The following ICE1 variants were observed in gnomAD, a reference collection of about 807,000 sequenced individuals.
The protein encoded by ICE1 is interactor of little elongation complex ELL subunit 1, also known as little elongation complex subunit 1.
Under a neutral mutation model 192.7 loss-of-function variants are expected in ICE1, and 64 were observed. The ratio of observed to expected loss-of-function variants is 0.33; its 90% CI spans 0.27 to 0.41. ICE1 has a LOEUF of 0.41. Among genes scored for constraint, ICE1 ranks in the 10% least tolerant of loss-of-function variants. The pLI, the probability that ICE1 is intolerant of heterozygous loss-of-function variation, is 1.00. For missense variants in ICE1, 2,708 were observed against 2,696.0 expected (o/e 1.00, Z -0.10); for synonymous variants, 1,010 against 984.5 (o/e 1.03, Z -0.49).
At position 5,480,675 on chromosome 5, in the gene ICE1, C is replaced by T. The variant is rs768422303; in HGVS notation, c.6520+4596C>T. Among the ~76,000 whole-genome samples the T allele has an allele frequency of 9.2e-5, 14 of 152,286 alleles. No individual in the cohort carries two copies. The East Asian group carries it at 2.5e-3, about 27-fold the overall frequency. ...TACCCTGTGAATTTTGTTACTGTAT[C>T]GGCAAATTTGCATTCCTCCTCTGTG... On this transcript the variant is annotated intron_variant, in intron 17 of 18. Transcript: ENST00000296564.
intron 7 of ICE1, among the ~76,000 whole-genome samples, chr5:5,446,761 T>C (rs1372082698): frequency 6.6e-6 from 1 of 152,174 alleles, no homozygotes; most frequent in South Asian, 2.1e-4. Context: ...TCCAAACTTG[T>C]TAGAGGAGTC....
chr5:5,481,063 G>C (rs1257485837), intron 17 of ICE1, among the ~76,000 whole-genome samples: 1 of 152,200 alleles, frequency 6.6e-6, no homozygotes, highest in Non-Finnish European at 1.5e-5. Flanking sequence ...CCATAGTTAG[G>C]TGACATCTAT....
Position 5,463,586 on chromosome 5 carries a change from A to C in ICE1, c.4252A>C (p.Ile1418Leu). The change falls in exon 13 of 19, where the codon ATT becomes CTT. Residue 1418 changes from isoleucine to leucine, a missense_variant. Ile to Leu is a conservative substitution (Grantham distance 5). This residue lies in a region of ICE1 where 2,366 missense variants were observed against 2,276.6 expected (regional missense o/e 1.04). Transcript: ENST00000296564. ...VLINKDQNLV[I>L]EKGDNWTIIS... is the part of the protein sequence containing the mutation. ...TATAAATAAGGATCAGAATCTAGTCATTGAAAAGGGGGACAACTGGACAAT... is the reference window on the plus strand; with the variant it reads ...TATAAATAAGGATCAGAATCTAGTCCTTGAAAAGGGGGACAACTGGACAAT... 6.2e-7 allele frequency: 1 copy of C among 1,614,016 alleles called. No homozygotes were observed. Among genetic ancestry groups the C allele is most frequent in the South Asian group, 1.1e-5 (1 of 91,082 alleles).
chr5:5,464,578 T>C lies in ICE1; in HGVS notation c.5244T>C (p.Ser1748=). Residue 1748 remains serine (S), a synonymous_variant, in exon 13 of 19, where the codon TCT becomes TCC. Coordinates refer to ENST00000296564, the MANE Select transcript of ICE1 (RefSeq NM_015325.3). This position sits in a 1 kb window ranked among gnomAD's most constrained non-coding sequence, Gnocchi z 4.0. Reference sequence around the variant, plus strand: ...CTGTGGGAGGGCCTCAGGAGAATTCTGTGAAAATCCTTGACACCATGTATC... The same window carrying C: ...CTGTGGGAGGGCCTCAGGAGAATTCCGTGAAAATCCTTGACACCATGTATC... ...HAAVGGPQEN[S]VKILDTMYPE... is the part of the protein sequence containing the mutation. 1.9e-6 allele frequency: 3 copies of C among 1,612,404 alleles called. No individual in the cohort carries two copies. The highest frequency in any genetic ancestry group is 2.5e-6 in the Non-Finnish European group (3 of 1,179,094).
chr5:5,441,349 T>C (rs1173006220), intron 5 of ICE1, 126 bp downstream of exon 5: 1 of 619,060 alleles, frequency 1.6e-6, no homozygotes, highest in African/African-American at 1.9e-5. Context: ...ACTCTCAGTG[T>C]ATTATTAGCT....
intron 16 of ICE1, among the ~76,000 whole-genome samples, chr5:5,474,163 T>C (rs1323180025): frequency 6.6e-6 from 1 of 151,580 alleles, no homozygotes; most frequent in Non-Finnish European, 1.5e-5. Context: ...TGAGCGGAGA[T>C]TGTGCCACTG....
At chr5:5,430,031 C>T (rs895220089) in intron 1 of ICE1, among the ~76,000 whole-genome samples, 4 of 152,138 alleles carry the variant, frequency 2.6e-5, no homozygotes, top group African/African-American at 7.2e-5. Context: ...TTCCAATAGA[C>T]TATATAATAG....
intron 1 of ICE1, among the ~76,000 whole-genome samples, chr5:5,425,169 A>G (rs773507975): frequency 6.6e-6 from 1 of 152,122 alleles, no homozygotes; most frequent in Non-Finnish European, 1.5e-5. Context: ...CCACTTTTCA[A>G]CATCTCCACT....
chr5:5,478,161 A>G (rs1057396483), intron 17 of ICE1, among the ~76,000 whole-genome samples: 1 of 152,238 alleles, frequency 6.6e-6, no homozygotes, highest in Non-Finnish European at 1.5e-5. Context: ...ATAGGAAGAG[A>G]GGAAGTCAAA....
chr5:5,486,658 A>G (rs1739646131), intron 17 of ICE1, 63 bp from the exon 18 acceptor site: 1 of 1,168,060 alleles, frequency 8.6e-7, no homozygotes, highest in East Asian at 2.5e-5. Flanking sequence ...GGACCTTTAA[A>G]TTCTTAGGAA....
At chr5:5,450,675 A>G (rs1018628545) in intron 10 of ICE1, among the ~76,000 whole-genome samples, 3 of 152,234 alleles carry the variant, frequency 2.0e-5, no homozygotes, top group African/African-American at 7.2e-5. Flanking sequence ...TATTAGAGGG[A>G]TGGATAAAAA....
At chr5:5,483,389 T>A (rs1739558641) in intron 17 of ICE1, among the ~76,000 whole-genome samples, 1 of 152,210 alleles carries the variant, frequency 6.6e-6, no homozygotes, top group Non-Finnish European at 1.5e-5. Flanking sequence ...ACTTGCGTTA[T>A]CTAATGTTGG....
intron 14 of ICE1, among the ~76,000 whole-genome samples, chr5:5,467,998 A>G (rs1463499188): frequency 6.6e-6 from 1 of 152,232 alleles, no homozygotes; most frequent in Admixed American, 6.5e-5. Flanking sequence ...AGGAGCCCAT[A>G]ACTGGAAACA....
chr5:5,461,762 G>C lies in ICE1; in HGVS notation c.2428G>C (p.Glu810Gln). The C allele has an allele frequency of 1.2e-6, 2 of 1,613,772 alleles. No homozygotes were observed. The highest frequency in any genetic ancestry group is 1.7e-6 in the Non-Finnish European group (2 of 1,179,750). ...GGEESLRAKSEHEQKTSHQLQ... is the reference protein window; with the variant it reads ...GGEESLRAKSQHEQKTSHQLQ... ...CGAAGAAAGTCTGAGAGCCAAATCA[G>C]AACATGAACAGAAGACTAGCCATCA... The change falls in exon 13 of 19, where the codon GAA becomes CAA. Residue 810 changes from glutamate (E) to glutamine (Q), a missense_variant. Around this residue, in one of 2 missense-constraint regions of ICE1, gnomAD observed 2,366 missense variants for 2,276.6 expected, o/e 1.04. Transcript: ENST00000296564.
intron 1 of ICE1, among the ~76,000 whole-genome samples, chr5:5,434,303 T>C (rs759347144): frequency 9.2e-5 from 14 of 152,188 alleles, no homozygotes; most frequent in Non-Finnish European, 1.5e-4. Context: ...AATATTGTGC[T>C]GAAGCCTTAG....
chr5:5,480,490 C>T (rs1739474891), intron 17 of ICE1, among the ~76,000 whole-genome samples: 2 of 152,024 alleles, frequency 1.3e-5, no homozygotes, highest in South Asian at 2.1e-4. Context: ...CCTCGTGATC[C>T]ACCCACCTCG....
intron 5 of ICE1, 33 bp downstream of exon 5, chr5:5,441,256 G>T (rs1157552177): frequency 1.6e-5 from 21 of 1,344,574 alleles, no homozygotes; most frequent in Non-Finnish European, 2.0e-5. Flanking sequence ...AAGATTTACG[G>T]TCAATAAATT....
At chr5:5,423,407 T>C (rs1737393703) in intron 1 of ICE1, among the ~76,000 whole-genome samples, 1 of 149,524 alleles carries the variant, frequency 6.7e-6, no homozygotes, top group Admixed American at 6.7e-5. Context: ...TGAGTATTTG[T>C]TGTTTGGAGG....
chr5:5,457,264 TTC>T, intron 11 of ICE1, 66 bp from the exon 12 acceptor site: 1 of 1,407,360 alleles, frequency 7.1e-7, no homozygotes, highest in Non-Finnish European at 9.5e-7. Flanking sequence ...GTTTCTTTCT[TTC>T]TTTTTTTTTT....
Sources: allele counts gnomAD v4.1 joint callset (sites outside exome capture counted in the v4.1 genomes callset), GRCh38; gene constraint gnomAD v4.1.1; regional missense constraint gnomAD v4.1.1; non-coding constraint Gnocchi (gnomAD v3.1); transcripts MANE v1.5; gene names NCBI Gene and HGNC (gene_info 2026-07-23, HGNC 2026-07-21).